PPM1H: variants seen among roughly 807,000 people sequenced by gnomAD.
The protein encoded by PPM1H is protein phosphatase, Mg2+/Mn2+ dependent 1H, also known as protein phosphatase 1H.
Under a neutral mutation model 54.9 loss-of-function variants are expected in PPM1H, and 27 were observed. That is an observed-to-expected ratio of 0.49 (90% confidence interval 0.36 to 0.68). The LOEUF is 0.68. Among genes scored for constraint, PPM1H ranks in the 30% least tolerant of loss-of-function variants. The pLI, the probability that PPM1H is intolerant of heterozygous loss-of-function variation, is 0.00. For synonymous variants in PPM1H, 305 were observed against 270.8 expected, an observed-to-expected ratio of 1.13 and a Z score of -1.24; for missense variants, 596 against 667.8, an observed-to-expected ratio of 0.89 and a Z score of 1.19.
chr12:62,650,805 T>C (rs1427047258), intron 9 of PPM1H, among the ~76,000 whole-genome samples: 1 of 152,104 alleles, frequency 6.6e-6, no homozygotes, highest in South Asian at 2.1e-4. Flanking sequence ...AAGAACAGCA[T>C]GGGGGAACTC....
chr12:62,658,837 C>T, intron 9 of PPM1H: 1 of 558,076 alleles, frequency 1.8e-6, no homozygotes, highest in East Asian at 4.0e-5. Context: ...ACTTCAGACT[C>T]CTTGTGGAGC....
intron 2 of PPM1H, among the ~76,000 whole-genome samples, chr12:62,806,302 GT>G (rs1363845628): frequency 1.3e-5 from 2 of 152,076 alleles, no homozygotes; most frequent in African/African-American, 4.8e-5. Context: ...TCGATTCTGT[GT>G]TAGGTGCTAA....
intron 4 of PPM1H, among the ~76,000 whole-genome samples, chr12:62,773,111 G>A (rs2076589184): frequency 6.6e-6 from 1 of 152,190 alleles, no homozygotes; most frequent in Admixed American, 6.5e-5. Context: ...TGGTGCCACT[G>A]CACCCTGGGC....
intron 8 of PPM1H, among the ~76,000 whole-genome samples, chr12:62,674,715 G>A (rs1392668975): frequency 1.3e-5 from 2 of 152,194 alleles, no homozygotes; most frequent in African/African-American, 2.4e-5. Context: ...AGGTAAATGG[G>A]ATACTGATTC....
chr12:62,930,147 A>G (rs1795972972), intron 1 of PPM1H, among the ~76,000 whole-genome samples: 1 of 152,174 alleles, frequency 6.6e-6, no homozygotes, highest in Non-Finnish European at 1.5e-5. Context: ...GACCAAGGAG[A>G]CAGACAGCCT....
At chr12:62,807,720 C>T (rs149960527) in intron 2 of PPM1H, among the ~76,000 whole-genome samples, 2 of 152,124 alleles carry the variant, frequency 1.3e-5, no homozygotes, top group African/African-American at 2.4e-5. Flanking sequence ...ACATACTATT[C>T]GGGGAAATAC....
chr12:62,741,027 C>T (rs1283442560), intron 4 of PPM1H, among the ~76,000 whole-genome samples: 1 of 152,182 alleles, frequency 6.6e-6, no homozygotes, highest in South Asian at 2.1e-4. Context: ...ATATCCACTT[C>T]GATATATTCA....
intron 1 of PPM1H, among the ~76,000 whole-genome samples, chr12:62,929,003 T>A (rs1362179018): frequency 6.6e-6 from 1 of 152,196 alleles, no homozygotes; most frequent in African/African-American, 2.4e-5. Flanking sequence ...AAGCTAATCA[T>A]AAGCTGGTTG....
chr12:62,789,477 T>C lies in PPM1H; in HGVS notation c.757-1139A>G, dbSNP rs753185563. On this transcript the variant is annotated intron_variant, in intron 3 of 9. Transcript: ENST00000228705. ...ACTTAAATAAATTATAAATGACTTA[T>C]AATGACTTAAATGACTTCAAATGAC... Among the ~76,000 whole-genome samples, 85 of 152,254 alleles carry C rather than the reference T, an allele frequency of 5.6e-4. 1 individual carries two copies. The highest frequency in any genetic ancestry group is 2.0e-3 in the African/African-American group (82 of 41,464).
intron 8 of PPM1H, among the ~76,000 whole-genome samples, chr12:62,689,251 C>A (rs963353418): frequency 3.9e-5 from 6 of 152,184 alleles, no homozygotes; most frequent in African/African-American, 1.4e-4. Flanking sequence ...AACCTAAGGT[C>A]ATGTAAGGGA....
chr12:62,723,530 T>C (rs2076274483), intron 5 of PPM1H, among the ~76,000 whole-genome samples: 1 of 152,196 alleles, frequency 6.6e-6, no homozygotes, highest in Non-Finnish European at 1.5e-5. Flanking sequence ...CGTGAATTAA[T>C]GCTGCTATAG....
intron 1 of PPM1H, among the ~76,000 whole-genome samples, chr12:62,911,398 G>T (rs1398742627): frequency 6.6e-6 from 1 of 152,116 alleles, no homozygotes; most frequent in Non-Finnish European, 1.5e-5. Flanking sequence ...AAAACTGTTA[G>T]TTTTTCTTGC....
intron 4 of PPM1H, among the ~76,000 whole-genome samples, chr12:62,758,538 T>C (rs146959655): frequency 2.1e-4 from 32 of 152,360 alleles, no homozygotes; most frequent in African/African-American, 7.5e-4. Flanking sequence ...ACTGAATCAC[T>C]GTTTGTTTTA....
chr12:62,733,940 G>T (rs1237997118), intron 5 of PPM1H, among the ~76,000 whole-genome samples: 1 of 152,132 alleles, frequency 6.6e-6, no homozygotes, highest in African/African-American at 2.4e-5. Flanking sequence ...TTGCAGGCCA[G>T]TGGGATCTTT....
intron 8 of PPM1H, among the ~76,000 whole-genome samples, chr12:62,686,760 A>C (rs1392951408): frequency 2.0e-5 from 3 of 152,222 alleles, no homozygotes; most frequent in Non-Finnish European, 4.4e-5. Context: ...ATCCTGGGTG[A>C]TACCAGGAAA....
In PPM1H at chr12:62,683,662, G is replaced by A. The variant is rs547851055; in HGVS notation, c.1245+6037C>T. Among the ~76,000 whole-genome samples, 149 of 152,306 alleles carry A rather than the reference G, an allele frequency of 9.8e-4. 2 individuals are homozygous for A. The highest frequency in any genetic ancestry group is 1.8e-3 in the Non-Finnish European group (125 of 68,022). ...GAAGCAGAAATAAAATTGGGCCCCT[G>A]TGGTTCAGTCTAGCAGGGGCGGAAA... On this transcript the variant is annotated intron_variant, in intron 8 of 9. Coordinates refer to ENST00000228705, the MANE Select transcript of PPM1H (RefSeq NM_020700.2).
intron 1 of PPM1H, among the ~76,000 whole-genome samples, chr12:62,920,618 G>A (rs1201035089): frequency 3.4e-5 from 5 of 146,982 alleles, no homozygotes; most frequent in South Asian, 2.1e-4. Flanking sequence ...CATGGCACCC[G>A]GCATCAAAAA....
Position 62,748,164 on chromosome 12 carries a change from A to G in PPM1H, c.870-10578T>C, listed in dbSNP as rs2076422795. Among the ~76,000 whole-genome samples, 3 of 151,754 alleles carry G rather than the reference A, an allele frequency of 2.0e-5. No homozygotes were observed. The South Asian group carries it at 6.2e-4, about 32-fold the overall frequency. ...AAGTCGAGGCAGGAGAATGGCGTGAACCCGGGAGGCGGAGCTTGCAGGGAG... is the reference window on the plus strand; with the variant it reads ...AAGTCGAGGCAGGAGAATGGCGTGAGCCCGGGAGGCGGAGCTTGCAGGGAG... On this transcript the variant is annotated intron_variant, in intron 4 of 9. Coordinates refer to ENST00000228705, the MANE Select transcript of PPM1H (RefSeq NM_020700.2).
intron 8 of PPM1H, among the ~76,000 whole-genome samples, chr12:62,671,334 A>G (rs2075955589): frequency 6.6e-6 from 1 of 152,272 alleles, no homozygotes; most frequent in South Asian, 2.1e-4. Context: ...CCGGGTTCCC[A>G]TCCACCAAGA....
Sources: allele counts gnomAD v4.1 joint callset (sites outside exome capture counted in the v4.1 genomes callset), GRCh38; gene constraint gnomAD v4.1.1; transcripts MANE v1.5; gene names NCBI Gene and HGNC (gene_info 2026-07-23, HGNC 2026-07-21).